The following GALNT13 variants were observed in gnomAD, a reference collection of about 807,000 sequenced individuals.
GALNT13 encodes polypeptide N-acetylgalactosaminyltransferase 13, also known as UDP-GalNAc:polypeptide N-acetylgalactosaminyltransferase 13.
Under a neutral mutation model 64.2 loss-of-function variants are expected in GALNT13, and 28 were observed. The ratio of observed to expected loss-of-function variants is 0.44; its 90% CI spans 0.32 to 0.60. The LOEUF is 0.60. Ranked by LOEUF, GALNT13 falls within the 20% of genes least tolerant of loss-of-function variation. The probability of loss-of-function intolerance (pLI) is 0.05; values close to 1 mark genes in which losing one functional copy is unlikely to be tolerated. For missense variants in GALNT13, 577 were observed against 669.8 expected (o/e 0.86, Z 1.53); for synonymous variants, 214 against 224.6 (o/e 0.95, Z 0.42).
chr2:154,225,768 A>G (rs77196008), intron 4 of GALNT13, among the ~76,000 whole-genome samples: 3,902 of 152,192 alleles, frequency 0.026, 138 homozygotes, highest in African/African-American at 0.081. Context: ...CTTAGATTCA[A>G]CAAAGTATGA....
the GALNT13 span, among the ~76,000 whole-genome samples, chr2:153,664,090 A>G: frequency 6.6e-6 from 1 of 152,160 alleles, no homozygotes; most frequent in Admixed American, 6.5e-5. Context: ...AAACATCTTA[A>G]CAAGAAACAG....
intron 4 of GALNT13, among the ~76,000 whole-genome samples, chr2:154,145,068 CTCTCTATCTA>C (rs1178742604): frequency 7.6e-5 from 8 of 105,412 alleles, no homozygotes; most frequent in Non-Finnish European, 1.2e-4. Flanking sequence ...CTCTCTCTCT[CTCTCTATCTA>C]TCTATCTATC....
intron 4 of GALNT13, among the ~76,000 whole-genome samples, chr2:154,156,291 A>T (rs1046444828): frequency 7.9e-5 from 12 of 152,098 alleles, no homozygotes; most frequent in Non-Finnish European, 1.3e-4. Flanking sequence ...TTTTATATTC[A>T]TCCAGTGTCT....
At chr2:153,606,622 A>G in the GALNT13 span, among the ~76,000 whole-genome samples, 1 of 152,126 alleles carries the variant, frequency 6.6e-6, no homozygotes, top group Non-Finnish European at 1.5e-5. Context: ...GATAATATTT[A>G]GGAGACCAAG....
chr2:153,153,307 T>A, the GALNT13 span, among the ~76,000 whole-genome samples: 8,048 of 152,212 alleles, frequency 0.053, 244 homozygotes, highest in East Asian at 0.1. Context: ...TTAGACTTTG[T>A]TGGGTGCCAT....
intron 9 of GALNT13, among the ~76,000 whole-genome samples, chr2:154,302,414 A>G (rs1388302544): frequency 2.0e-5 from 3 of 152,242 alleles, no homozygotes; most frequent in Non-Finnish European, 2.9e-5. Flanking sequence ...CATCAGGACA[A>G]CAACAAAAAT....
At chr2:154,041,045 T>G (rs2105326758) in intron 3 of GALNT13, among the ~76,000 whole-genome samples, 1 of 139,588 alleles carries the variant, frequency 7.2e-6, no homozygotes, top group South Asian at 2.3e-4. Flanking sequence ...ATTATATTGG[T>G]TTGGTTTGTT....
intron 4 of GALNT13, among the ~76,000 whole-genome samples, chr2:154,179,865 G>T (rs1685861330): frequency 6.6e-6 from 1 of 151,314 alleles, no homozygotes. Context: ...AGTGTTTTCA[G>T]CTAACTCAGA....
At chr2:153,068,851 G>C in the GALNT13 span, among the ~76,000 whole-genome samples, 2 of 152,120 alleles carry the variant, frequency 1.3e-5, no homozygotes, top group Non-Finnish European at 2.9e-5. Context: ...TGTTTTGTAG[G>C]TAATGTCCTG....
At chr2:153,492,986 A>G in the GALNT13 span, among the ~76,000 whole-genome samples, 5 of 152,180 alleles carry the variant, frequency 3.3e-5, no homozygotes, top group Admixed American at 2.6e-4. Context: ...CTCAAACTGA[A>G]TGATAATGTG....
the GALNT13 span, among the ~76,000 whole-genome samples, chr2:153,070,421 A>G: frequency 6.6e-6 from 1 of 152,192 alleles, no homozygotes; most frequent in South Asian, 2.1e-4. Flanking sequence ...TTCAAAAACC[A>G]TAGAACTCTA....
chr2:154,419,145 C>CA (rs1700146731), intron 11 of GALNT13, among the ~76,000 whole-genome samples: 1 of 151,868 alleles, frequency 6.6e-6, no homozygotes, highest in African/African-American at 2.4e-5. Context: ...AATAATTGAG[C>CA]AAAAAATCAA....
chr2:153,350,585 G>T, the GALNT13 span, among the ~76,000 whole-genome samples: 1 of 151,900 alleles, frequency 6.6e-6, no homozygotes, highest in African/African-American at 2.4e-5. Context: ...GTTTTACCAT[G>T]TTGGCCAGGC....
At chr2:154,282,425 T>A (rs2105942127) in intron 8 of GALNT13, among the ~76,000 whole-genome samples, 1 of 152,322 alleles carries the variant, frequency 6.6e-6, no homozygotes, top group South Asian at 2.1e-4. Context: ...TATTTAAATT[T>A]CGGAGGGTTA....
At chr2:154,403,609 A>C (rs560485783) in intron 10 of GALNT13, among the ~76,000 whole-genome samples, 1 of 152,286 alleles carries the variant, frequency 6.6e-6, no homozygotes, top group Admixed American at 6.5e-5. Context: ...CCCTGGACAT[A>C]GATAGAAATT....
At chr2:154,302,826 T>C (rs1693518964) in intron 9 of GALNT13, among the ~76,000 whole-genome samples, 2 of 152,162 alleles carry the variant, frequency 1.3e-5, no homozygotes, top group Admixed American at 6.5e-5. Flanking sequence ...TGAAGTATCA[T>C]TGGTGGCCAC....
At chr2:153,274,181 C>T in the GALNT13 span, among the ~76,000 whole-genome samples, 10 of 151,988 alleles carry the variant, frequency 6.6e-5, no homozygotes, top group East Asian at 5.8e-4. Flanking sequence ...CCAGCCTGGG[C>T]GACAAGAGCG....
At chr2:153,390,325 A>G in the GALNT13 span, among the ~76,000 whole-genome samples, 1 of 152,046 alleles carries the variant, frequency 6.6e-6, no homozygotes, top group Non-Finnish European at 1.5e-5. Context: ...GTGGGGGGCT[A>G]GGGGCAGGAT....
At chr2:153,421,598 A>G in the GALNT13 span, 12 of 244,034 alleles carry the variant, frequency 4.9e-5, 1 homozygote, top group Middle Eastern at 1.5e-3. Flanking sequence ...GCACTGGTGA[A>G]CCAGCTTGCG....
Sources: gnomAD v4.1 joint callset for allele counts (sites outside exome capture counted in the v4.1 genomes callset) on GRCh38, gnomAD v4.1.1 for gene constraint, MANE v1.5 for transcripts, NCBI Gene and HGNC (gene_info 2026-07-23, HGNC 2026-07-21) for gene names.